The following FARSB variants were observed in gnomAD, a reference collection of about 807,000 sequenced individuals.
FARSB encodes the protein phenylalanyl-tRNA synthetase subunit beta, also known as phenylalanine--tRNA ligase beta subunit.
A neutral mutation model predicts 69.6 loss-of-function variants in FARSB; 40 were observed. The ratio of observed to expected loss-of-function variants is 0.57; its 90% CI spans 0.45 to 0.75. The LOEUF (loss-of-function observed/expected upper bound fraction) is 0.75. Among genes scored for constraint, FARSB ranks in the 30% least tolerant of loss-of-function variants. The pLI is 0.00. For synonymous variants in FARSB, 235 were observed against 247.2 expected (o/e 0.95, Z 0.46); for missense variants, 632 against 722.9 (o/e 0.87, Z 1.44).
intron 1 of FARSB, among the ~76,000 whole-genome samples, chr2:222,649,234 T>TAAAAAAAAAAAAAA (rs71961708): frequency 1.1e-5 from 1 of 88,296 alleles, no homozygotes; most frequent in Non-Finnish European, 2.1e-5. Context: ...CTCAAAAAAT[T>TAAAAAAAAAAAAAA]AAAAAAAAAA....
In FARSB at chr2:222,571,157, T is replaced by C. The variant is rs1231434613; in HGVS notation, c.*714A>G. On this transcript the variant is annotated 3_prime_UTR_variant, in exon 17 of 17. Transcript: ENST00000281828. Reference sequence around the variant, plus strand: ...TATGGCAAAAATAAGCTTCTCATTGTTTCCTAATGTTCATACTGCATTGAT... The same window carrying C: ...TATGGCAAAAATAAGCTTCTCATTGCTTCCTAATGTTCATACTGCATTGAT... The C allele has an allele frequency of 6.6e-6, 1 of 152,236 alleles. No homozygotes were observed. Among genetic ancestry groups the C allele is most frequent in the Non-Finnish European group, 1.5e-5 (1 of 68,036 alleles). The allele number at this position is 152,236 out of a possible 1,614,324, so 9.4% of individuals were successfully genotyped here. A position where few individuals can be genotyped will look rare whatever the true frequency, so the allele number is the denominator to read the frequency against.
At chr2:222,572,491 C>T (rs1689742211) in intron 16 of FARSB, among the ~76,000 whole-genome samples, 1 of 152,220 alleles carries the variant, frequency 6.6e-6, no homozygotes, top group South Asian at 2.1e-4. Context: ...CTCTGTACAA[C>T]TCTTCCTCAC....
intron 16 of FARSB, among the ~76,000 whole-genome samples, 184 bp downstream of exon 16, chr2:222,599,742 GAA>G (rs34764791): frequency 1.3e-5 from 2 of 152,192 alleles, no homozygotes; most frequent in Non-Finnish European, 2.9e-5. Context: ...CGAGAGTTCT[GAA>G]AAGTGTTTTC....
intron 16 of FARSB, among the ~76,000 whole-genome samples, chr2:222,583,487 T>C (rs1021425795): frequency 1.3e-5 from 2 of 152,196 alleles, no homozygotes; most frequent in Non-Finnish European, 2.9e-5. Context: ...CTAACAGGAA[T>C]TTAATTAGTG....
At chr2:222,647,619 G>T (rs1481227898) in intron 2 of FARSB, among the ~76,000 whole-genome samples, 3 of 152,198 alleles carry the variant, frequency 2.0e-5, no homozygotes, top group Admixed American at 2.0e-4. Context: ...GCAGCCTCAG[G>T]TCCAAGATAA....
chr2:222,599,845 C>G, intron 16 of FARSB, 83 bp downstream of exon 16: 1 of 1,142,266 alleles, frequency 8.8e-7, no homozygotes, highest in East Asian at 2.6e-5. Flanking sequence ...AATCCCAAAT[C>G]AAAACTACCA....
chr2:222,617,797 C>T (rs1260469468), intron 14 of FARSB, among the ~76,000 whole-genome samples: 8 of 152,154 alleles, frequency 5.3e-5, no homozygotes, highest in Non-Finnish European at 1.2e-4. Flanking sequence ...GCACAAGAAT[C>T]GCTTGAACCC....
chr2:222,582,007 T>C (rs1370060049), intron 16 of FARSB, among the ~76,000 whole-genome samples: 1 of 152,046 alleles, frequency 6.6e-6, no homozygotes, highest in African/African-American at 2.4e-5. Flanking sequence ...TATGGAGGGG[T>C]GTTTGGCAGT....
intron 16 of FARSB, among the ~76,000 whole-genome samples, chr2:222,596,319 C>T (rs188220205): frequency 2.5e-4 from 38 of 152,278 alleles, no homozygotes; most frequent in East Asian, 3.9e-4. Context: ...TTTCTTATAA[C>T]GCACGGAGCC....
intron 16 of FARSB, among the ~76,000 whole-genome samples, chr2:222,585,478 G>A (rs1690088025): frequency 6.6e-6 from 1 of 152,254 alleles, no homozygotes; most frequent in South Asian, 2.1e-4. Flanking sequence ...CCAAAGGAAT[G>A]CAGCTCTTCG....
chr2:222,581,139 G>C (rs988962051), intron 16 of FARSB, among the ~76,000 whole-genome samples: 3 of 152,158 alleles, frequency 2.0e-5, no homozygotes, highest in African/African-American at 7.2e-5. Context: ...TTCAACCCCA[G>C]TGTAAAACAA....
chr2:222,601,490 C>G (rs1191345528), intron 15 of FARSB, among the ~76,000 whole-genome samples: 2 of 151,484 alleles, frequency 1.3e-5, no homozygotes, highest in African/African-American at 2.4e-5. Context: ...GCCAAAAAAC[C>G]CCATGAACAG....
At chr2:222,611,981 C>T (rs61092734) in intron 15 of FARSB, among the ~76,000 whole-genome samples, 5,860 of 152,200 alleles carry the variant, frequency 0.039, 174 homozygotes, top group African/African-American at 0.08. Context: ...GTGTAATTAA[C>T]CTAACCCTGA....
At chr2:222,644,824 A>G (rs1429436666) in intron 2 of FARSB, among the ~76,000 whole-genome samples, 1 of 152,190 alleles carries the variant, frequency 6.6e-6, no homozygotes, top group African/African-American at 2.4e-5. Flanking sequence ...ATATACTATA[A>G]TAAGAGTAAT....
intron 5 of FARSB, among the ~76,000 whole-genome samples, chr2:222,638,997 C>T (rs1691650915): frequency 6.6e-6 from 1 of 152,116 alleles, no homozygotes; most frequent in South Asian, 2.1e-4. Context: ...CTTCACTGAC[C>T]TTTAAGAGTT....
At chr2:222,613,182 AT>A (rs1317763041) in intron 15 of FARSB, among the ~76,000 whole-genome samples, 1 of 152,264 alleles carries the variant, frequency 6.6e-6, no homozygotes, top group African/African-American at 2.4e-5. Flanking sequence ...TGGACCTTAA[AT>A]TCTGATTCAA....
intron 15 of FARSB, among the ~76,000 whole-genome samples, chr2:222,600,617 A>G (rs1273848386): frequency 1.3e-5 from 2 of 152,236 alleles, no homozygotes; most frequent in African/African-American, 4.8e-5. Context: ...ATAACACAGC[A>G]ACAGCAAATA....
chr2:222,635,855 A>T (rs1018295166), intron 5 of FARSB, among the ~76,000 whole-genome samples: 5 of 151,944 alleles, frequency 3.3e-5, no homozygotes, highest in African/African-American at 1.2e-4. Context: ...CAAGGCAGCA[A>T]GACTGCTTGA....
chr2:222,581,522 A>G (rs955762939), intron 16 of FARSB, among the ~76,000 whole-genome samples: 2 of 152,238 alleles, frequency 1.3e-5, no homozygotes, highest in African/African-American at 4.8e-5. Flanking sequence ...GCAAGCATTT[A>G]GTTATTAAAG....
Sources: gnomAD v4.1 joint callset for allele counts (sites outside exome capture counted in the v4.1 genomes callset) on GRCh38, gnomAD v4.1.1 for gene constraint, MANE v1.5 for transcripts, NCBI Gene and HGNC (gene_info 2026-07-23, HGNC 2026-07-21) for gene names.